Variants in NELL1 observed in about 807,000 individuals in gnomAD.
NELL1 encodes the protein neural EGFL like 1.
Under a neutral mutation model 107.4 loss-of-function variants are expected in NELL1, and 76 were observed. The ratio of observed to expected loss-of-function variants is 0.71; its 90% CI spans 0.59 to 0.86. NELL1 has a LOEUF of 0.86. Ranked by LOEUF, NELL1 falls within the 40% of genes least tolerant of loss-of-function variation. The pLI is 0.00. For missense variants in NELL1, 1,024 were observed against 1,005.5 expected (o/e 1.02, Z -0.25); for synonymous variants, 353 against 341.2 (o/e 1.03, Z -0.38).
intron 4 of NELL1, among the ~76,000 whole-genome samples, chr11:20,863,992 C>T (rs1328394116): frequency 2.0e-5 from 3 of 152,174 alleles, no homozygotes; most frequent in Non-Finnish European, 2.9e-5. Flanking sequence ...CCTGCAATCG[C>T]AGGCACTCGG....
intron 13 of NELL1, among the ~76,000 whole-genome samples, chr11:21,114,556 C>CT (rs916316640): frequency 1.1e-4 from 17 of 151,364 alleles, no homozygotes; most frequent in African/African-American, 2.9e-4. Flanking sequence ...TTTTAATGTA[C>CT]TTTTTTTTTC....
At chr11:21,569,317 G>GTT (rs1464747151) in intron 17 of NELL1, among the ~76,000 whole-genome samples, 1 of 151,846 alleles carries the variant, frequency 6.6e-6, no homozygotes, top group Non-Finnish European at 1.5e-5. Context: ...ATTCTATTTA[G>GTT]TTCTCTCTCA....
chr11:21,167,797 C>T (rs1306887259), intron 13 of NELL1, among the ~76,000 whole-genome samples: 3 of 151,732 alleles, frequency 2.0e-5, no homozygotes, highest in Admixed American at 6.6e-5. Context: ...TCTCTTTCCC[C>T]ATTGTTTCAC....
At chr11:20,714,194 A>ATTTTTTTTTTTT (rs34441596) in intron 2 of NELL1, among the ~76,000 whole-genome samples, 2 of 61,736 alleles carry the variant, frequency 3.2e-5, no homozygotes, top group Non-Finnish European at 5.7e-5. Context: ...TATCTCCCCG[A>ATTTTTTTTTTTT]TTTTTTTTTT....
intron 15 of NELL1, among the ~76,000 whole-genome samples, chr11:21,374,141 T>G (rs1212211364): frequency 1.3e-5 from 2 of 152,128 alleles, no homozygotes; most frequent in Non-Finnish European, 2.9e-5. Context: ...CTAAGAAGTA[T>G]GTAAGACTAA....
chr11:21,019,547 A>G (rs889505023), intron 12 of NELL1, among the ~76,000 whole-genome samples: 2 of 152,012 alleles, frequency 1.3e-5, no homozygotes, highest in African/African-American at 4.8e-5. Flanking sequence ...TTCAGGGGAC[A>G]TATGAAAATG....
chr11:20,825,160 T>C, intron 3 of NELL1, among the ~76,000 whole-genome samples: 1 of 151,386 alleles, frequency 6.6e-6, no homozygotes, highest in East Asian at 1.9e-4. Context: ...TCAGAGGCTG[T>C]ATGGCAATGC....
At chr11:21,483,990 CATATATATATATAT>C (rs781565679) in intron 15 of NELL1, among the ~76,000 whole-genome samples, 2,263 of 88,382 alleles carry the variant, frequency 0.026, 111 homozygotes, top group East Asian at 0.14. Flanking sequence ...TTTTACTTAA[CATATATATATATAT>C]ATATATATAT....
At chr11:20,795,793 A>T (rs1857158218) in intron 3 of NELL1, among the ~76,000 whole-genome samples, 1 of 151,990 alleles carries the variant, frequency 6.6e-6, no homozygotes, top group Admixed American at 6.6e-5. Context: ...TTTTTTTTTA[A>T]ACAAAATTTT....
chr11:21,180,644 A>G (rs1856807563), intron 13 of NELL1, among the ~76,000 whole-genome samples: 1 of 151,742 alleles, frequency 6.6e-6, no homozygotes, highest in Non-Finnish European at 1.5e-5. Context: ...AGCAGCAAAC[A>G]CATTGGCCTC....
At chr11:20,771,713 C>T (rs1260744672) in intron 2 of NELL1, among the ~76,000 whole-genome samples, 1 of 152,164 alleles carries the variant, frequency 6.6e-6, no homozygotes, top group Non-Finnish European at 1.5e-5. Flanking sequence ...TGTTTTCTGT[C>T]AGGCTTAATA....
At chr11:21,237,552 A>G (rs1330206862) in intron 14 of NELL1, among the ~76,000 whole-genome samples, 2 of 152,042 alleles carry the variant, frequency 1.3e-5, no homozygotes, top group African/African-American at 4.8e-5. Context: ...ACTTGCCGGA[A>G]TGAATTTATA....
At chr11:20,861,117 A>T (rs1013411685) in intron 4 of NELL1, among the ~76,000 whole-genome samples, 1 of 152,162 alleles carries the variant, frequency 6.6e-6, no homozygotes, top group African/African-American at 2.4e-5. Context: ...TTTAATTTTT[A>T]AAAATTATGT....
At chr11:21,506,327 C>T (rs1233313972) in intron 15 of NELL1, among the ~76,000 whole-genome samples, 1 of 152,170 alleles carries the variant, frequency 6.6e-6, no homozygotes, top group Non-Finnish European at 1.5e-5. Flanking sequence ...ACCTACCCAA[C>T]AATTTACAGG....
intron 16 of NELL1, among the ~76,000 whole-genome samples, chr11:21,543,521 G>A (rs1856347242): frequency 6.6e-6 from 1 of 151,952 alleles, no homozygotes; most frequent in Non-Finnish European, 1.5e-5. Context: ...GAATGGAGAG[G>A]TTAAGAACAT....
At chr11:20,894,756 G>T (rs1271780726) in intron 5 of NELL1, among the ~76,000 whole-genome samples, 1 of 152,128 alleles carries the variant, frequency 6.6e-6, no homozygotes, top group Non-Finnish European at 1.5e-5. Flanking sequence ...GACCAAGAAA[G>T]AATACTCTAG....
chr11:21,405,822 T>A (rs945301229), intron 15 of NELL1, among the ~76,000 whole-genome samples: 4 of 152,018 alleles, frequency 2.6e-5, no homozygotes, highest in Admixed American at 6.6e-5. Flanking sequence ...TCCCCCAACC[T>A]TTCCTTTCTT....
At chr11:21,312,853 A>C (rs1411481918) in intron 14 of NELL1, among the ~76,000 whole-genome samples, 1 of 152,156 alleles carries the variant, frequency 6.6e-6, no homozygotes, top group African/African-American at 2.4e-5. Context: ...ACTGCATTTA[A>C]TGAAGCCATC....
chr11:21,041,633 A>G (rs1317059463), intron 12 of NELL1, among the ~76,000 whole-genome samples: 1 of 152,204 alleles, frequency 6.6e-6, no homozygotes, highest in Non-Finnish European at 1.5e-5. Context: ...CAAAAATTCA[A>G]GGTTTTTATA....
Sources: allele counts gnomAD v4.1 joint callset (sites outside exome capture counted in the v4.1 genomes callset), GRCh38; gene constraint gnomAD v4.1.1; transcripts MANE v1.5; gene names NCBI Gene and HGNC (gene_info 2026-07-23, HGNC 2026-07-21).